Variants in EXOC2 observed in about 807,000 individuals in gnomAD.
The protein encoded by EXOC2 is SEC5-like 1.
In EXOC2, 70 loss-of-function variants were observed where a neutral mutation model predicts 131.8. The observed-to-expected ratio is 0.53, with a 90% CI of 0.44 to 0.65. The LOEUF (loss-of-function observed/expected upper bound fraction) is 0.65, where lower values mean the gene tolerates loss of function less well. Ranked by LOEUF, EXOC2 falls within the 30% of genes least tolerant of loss-of-function variation. The pLI is 0.00. For missense variants in EXOC2, 923 were observed against 1,108.6 expected (o/e 0.83, Z 2.38); for synonymous variants, 411 against 398.4 (o/e 1.03, Z -0.38).
chr6:660,025 G>T (rs904601597), intron 1 of EXOC2, among the ~76,000 whole-genome samples: 2 of 151,956 alleles, frequency 1.3e-5, no homozygotes, highest in African/African-American at 2.4e-5. Context: ...CACGGTGGTT[G>T]TGAGACTGGC....
intron 17 of EXOC2, among the ~76,000 whole-genome samples, chr6:559,682 G>A (rs1757599448): frequency 6.6e-6 from 1 of 152,188 alleles, no homozygotes; most frequent in African/African-American, 2.4e-5. Flanking sequence ...AGCTTCTGAA[G>A]TAACTATTTC....
chr6:542,773 G>C (rs975566887), intron 22 of EXOC2, among the ~76,000 whole-genome samples: 3 of 152,152 alleles, frequency 2.0e-5, no homozygotes, highest in East Asian at 3.8e-4. Context: ...AACAGAGAAA[G>C]TATATGAAAT....
chr6:583,088 T>A (rs1581490232), intron 11 of EXOC2, among the ~76,000 whole-genome samples: 1 of 152,228 alleles, frequency 6.6e-6, no homozygotes, highest in South Asian at 2.1e-4. Flanking sequence ...ATGAAATGTA[T>A]GTTTTTGTCA....
intron 6 of EXOC2, among the ~76,000 whole-genome samples, chr6:613,500 G>A (rs1272743753): frequency 6.6e-6 from 1 of 152,196 alleles, no homozygotes; most frequent in Non-Finnish European, 1.5e-5. Context: ...GCTCTGATTT[G>A]TACCTGTCCC....
chr6:488,084 C>T lies in EXOC2; in HGVS notation c.2681+895G>A, dbSNP rs116032795. ...GCTGATTGTGCAGGCACTGTCTGCA[C>T]AGCTGCCATGTGCCCACGTGGGATG... On this transcript the variant is annotated intron_variant, in intron 27 of 27. Transcript: ENST00000230449. Among the ~76,000 whole-genome samples the T allele has an allele frequency of 6.5e-3, 993 of 152,342 alleles. 11 individuals carry two copies. The highest frequency in any genetic ancestry group is 0.023 in the African/African-American group (949 of 41,584).
chr6:587,835 AT>A (rs1759304357), intron 11 of EXOC2, among the ~76,000 whole-genome samples: 1 of 152,262 alleles, frequency 6.6e-6, no homozygotes. Flanking sequence ...TATTTAAAAA[AT>A]ATTCATATTT....
intron 20 of EXOC2, 71 bp from the exon 21 acceptor site, chr6:553,991 C>A: frequency 8.6e-7 from 1 of 1,157,342 alleles, no homozygotes; most frequent in South Asian, 1.3e-5. Flanking sequence ...GAACTATACG[C>A]AAATTTAAAC....
At chr6:625,871 G>A (rs2127693888) in intron 4 of EXOC2, among the ~76,000 whole-genome samples, 1 of 152,186 alleles carries the variant, frequency 6.6e-6, no homozygotes, top group Non-Finnish European at 1.5e-5. Flanking sequence ...AAACAGTTGA[G>A]ATCATATAAA....
intron 23 of EXOC2, among the ~76,000 whole-genome samples, chr6:513,342 G>A (rs1048716843): frequency 5.3e-5 from 8 of 152,206 alleles, no homozygotes; most frequent in Admixed American, 4.6e-4. Context: ...ATGATCTGCC[G>A]AACCTGTTTT....
chr6:489,630 G>C (rs1385900203), intron 26 of EXOC2, among the ~76,000 whole-genome samples: 1 of 152,194 alleles, frequency 6.6e-6, no homozygotes. Context: ...CTTTTACAAG[G>C]AGAAAGTATT....
intron 23 of EXOC2, among the ~76,000 whole-genome samples, chr6:530,140 G>A (rs748481667): frequency 2.6e-5 from 4 of 152,150 alleles, no homozygotes; most frequent in African/African-American, 7.2e-5. Context: ...AATATCCACC[G>A]TGTACTGTTT....
At chr6:622,989 G>A (rs1761369701) in intron 4 of EXOC2, among the ~76,000 whole-genome samples, 1 of 152,230 alleles carries the variant, frequency 6.6e-6, no homozygotes, top group African/African-American at 2.4e-5. Flanking sequence ...AAGATTTTAA[G>A]AAACTCTCCT....
chr6:587,829 T>C (rs1252864064), intron 11 of EXOC2, among the ~76,000 whole-genome samples: 2 of 152,260 alleles, frequency 1.3e-5, no homozygotes, highest in South Asian at 2.1e-4. Flanking sequence ...ATTTCATATT[T>C]AAAAAATATT....
At chr6:488,156 G>A (rs1763194410) in intron 27 of EXOC2, among the ~76,000 whole-genome samples, 1 of 152,192 alleles carries the variant, frequency 6.6e-6, no homozygotes, top group Non-Finnish European at 1.5e-5. Context: ...TGGTGGAAGG[G>A]CTGGTCTGCT....
chr6:553,976 G>T, intron 20 of EXOC2, 56 bp from the exon 21 acceptor site: 1 of 1,343,158 alleles, frequency 7.4e-7, no homozygotes, highest in Non-Finnish European at 1.1e-6. Context: ...ATTCAAAAAT[G>T]CAATGAACTA....
intron 12 of EXOC2, among the ~76,000 whole-genome samples, chr6:576,335 T>C (rs1027318871): frequency 4.6e-5 from 7 of 152,184 alleles, no homozygotes; most frequent in Non-Finnish European, 1.5e-5. Context: ...TTAGCAAGTA[T>C]TTTATGGTTA....
In EXOC2 at chr6:499,677, C is replaced by T. The variant is rs1231516427; in HGVS notation, c.2404G>A (p.Ala802Thr). Residue 802 changes from alanine to threonine, a missense_variant, in exon 24 of 28, where the codon GCA becomes ACA. Ala to Thr is a moderately conservative substitution (Grantham distance 58, BLOSUM62 0). Coordinates refer to ENST00000230449, the MANE Select transcript of EXOC2 (RefSeq NM_018303.6). ...PTGVRNYLKE[A>T]LVNIIAVHAE... ...TGCACGGCAATTATATTCACCAGTG[C>T]TTCTTTTAAATAGTTTCTGACACCT... 2 of 1,613,590 alleles carry T rather than the reference C, an allele frequency of 1.2e-6. No homozygotes were observed. The highest frequency in any genetic ancestry group is 2.7e-5 in the African/African-American group (2 of 74,822).
intron 11 of EXOC2, among the ~76,000 whole-genome samples, chr6:589,647 C>T (rs1759422196): frequency 6.6e-6 from 1 of 152,230 alleles, no homozygotes. Context: ...GAGGCCAGCT[C>T]GCACTGCACT....
intron 25 of EXOC2, among the ~76,000 whole-genome samples, chr6:496,364 TG>T (rs1763743044): frequency 6.6e-6 from 1 of 152,248 alleles, no homozygotes; most frequent in African/African-American, 2.4e-5. Context: ...TTTATTTGTT[TG>T]TTTTAGCAAG....
Sources: gnomAD v4.1 joint callset for allele counts (sites outside exome capture counted in the v4.1 genomes callset) on GRCh38, gnomAD v4.1.1 for gene constraint, MANE v1.5 for transcripts, NCBI Gene and HGNC (gene_info 2026-07-23, HGNC 2026-07-21) for gene names.